TBXAS1: variants seen among roughly 807,000 people sequenced by gnomAD.
The protein encoded by TBXAS1 is thromboxane A synthase 1, also known as thromboxane-A synthase.
TBXAS1 carries 48 observed loss-of-function variants against 60.7 expected under a neutral mutation model. The observed-to-expected ratio is 0.79, with a 90% CI of 0.63 to 1.01. The LOEUF is 1.01. TBXAS1 is among the 50% of genes least tolerant of loss of function. The pLI, the probability that TBXAS1 is intolerant of heterozygous loss-of-function variation, is 0.00. For synonymous variants in TBXAS1, 287 were observed against 269.7 expected (o/e 1.06, Z -0.63); for missense variants, 685 against 686.3 (o/e 1.00, Z 0.02).
At chr7:139,965,473 C>T (rs965532688) in intron 9 of TBXAS1, among the ~76,000 whole-genome samples, 1 of 152,110 alleles carries the variant, frequency 6.6e-6, no homozygotes, top group Non-Finnish European at 1.5e-5. Context: ...CTCGCTCTGT[C>T]ATCCAGGCTG....
At chr7:139,868,024 G>A (rs1801551512) in intron 1 of TBXAS1, among the ~76,000 whole-genome samples, 2 of 152,034 alleles carry the variant, frequency 1.3e-5, no homozygotes, top group Admixed American at 6.6e-5. Context: ...TGACCTCGTT[G>A]GTTGTGAAAA....
intron 4 of TBXAS1, among the ~76,000 whole-genome samples, chr7:139,789,970 C>T (rs190018358): frequency 3.3e-5 from 5 of 152,136 alleles, no homozygotes; most frequent in Admixed American, 6.5e-5. Flanking sequence ...GGTCTGCACA[C>T]GGAGTCCTAG....
At chr7:139,925,004 C>T (rs1192572873) in intron 4 of TBXAS1, among the ~76,000 whole-genome samples, 1 of 152,074 alleles carries the variant, frequency 6.6e-6, no homozygotes, top group African/African-American at 2.4e-5. Flanking sequence ...TCTTCTATTC[C>T]ATTGGTCTAT....
At chr7:139,906,430 G>T (rs1805086802) in intron 3 of TBXAS1, among the ~76,000 whole-genome samples, 1 of 152,080 alleles carries the variant, frequency 6.6e-6, no homozygotes, top group Admixed American at 6.6e-5. Flanking sequence ...AAAATTATCA[G>T]TTGAGCATAT....
At chr7:139,982,260 G>T (rs981084576) in intron 9 of TBXAS1, among the ~76,000 whole-genome samples, 1 of 152,052 alleles carries the variant, frequency 6.6e-6, no homozygotes, top group African/African-American at 2.4e-5. Flanking sequence ...GATAAATCAG[G>T]CAACTCTGTA....
At position 139,799,564 on chromosome 7, in the gene TBXAS1, C is replaced by T. The variant is rs562310801; in HGVS notation, c.-80+12138C>T. On this transcript the variant is annotated intron_variant, in intron 4 of 16. Transcript: ENST00000336425. ...AGAGATGGGTTTTTGTCATGTTGCT[C>T]AGGCTAGTCTTGAACTTCTGAGCTC... Among the ~76,000 whole-genome samples, 16 of 152,228 alleles carry T rather than the reference C, an allele frequency of 1.1e-4. No homozygotes were observed. The South Asian group carries it at 3.3e-3, about 32-fold the overall frequency.
At chr7:139,944,747 G>C (rs1185392158) in intron 5 of TBXAS1, among the ~76,000 whole-genome samples, 1 of 152,228 alleles carries the variant, frequency 6.6e-6, no homozygotes, top group Non-Finnish European at 1.5e-5. Context: ...AGTCACCCAA[G>C]CTACACACCA....
chr7:139,781,900 A>G (rs1353277147), intron 2 of TBXAS1, among the ~76,000 whole-genome samples: 1 of 151,178 alleles, frequency 6.6e-6, no homozygotes. Context: ...CAAGAGTTGC[A>G]TTAGTGACTT....
chr7:139,875,842 G>T (rs1160239582), intron 3 of TBXAS1: 2 of 636,684 alleles, frequency 3.1e-6, no homozygotes, highest in African/African-American at 1.8e-5. Flanking sequence ...CCCACGGGGG[G>T]ACTCTGCTGG....
intron 3 of TBXAS1, among the ~76,000 whole-genome samples, chr7:139,894,743 C>A (rs1020801140): frequency 1.3e-5 from 2 of 152,178 alleles, no homozygotes; most frequent in Non-Finnish European, 2.9e-5. Context: ...TCCAATGGCA[C>A]AAAGTCAGAG....
chr7:139,992,373 C>G (rs1335126654), intron 9 of TBXAS1, among the ~76,000 whole-genome samples: 1 of 152,242 alleles, frequency 6.6e-6, no homozygotes, highest in Non-Finnish European at 1.5e-5. Context: ...GAACTTCATT[C>G]TCATGTATCC....
chr7:139,910,317 A>C (rs545157557), intron 3 of TBXAS1, among the ~76,000 whole-genome samples: 1 of 152,224 alleles, frequency 6.6e-6, no homozygotes, highest in African/African-American at 2.4e-5. Flanking sequence ...TGAGCCTTTC[A>C]TCCATATTTT....
intron 2 of TBXAS1, among the ~76,000 whole-genome samples, chr7:139,874,954 G>T (rs1415267657): frequency 1.3e-5 from 2 of 152,188 alleles, no homozygotes; most frequent in Non-Finnish European, 2.9e-5. Context: ...AATTAGCTGG[G>T]TGTGGTGGCA....
chr7:139,898,310 G>T (rs755598801), intron 3 of TBXAS1, among the ~76,000 whole-genome samples: 1 of 151,978 alleles, frequency 6.6e-6, no homozygotes. Context: ...AAACTGTCAC[G>T]GAGACAAGAA....
At chr7:139,864,047 T>C (rs1369154650) in intron 1 of TBXAS1, among the ~76,000 whole-genome samples, 1 of 152,192 alleles carries the variant, frequency 6.6e-6, no homozygotes, top group Non-Finnish European at 1.5e-5. Context: ...TTCTGCTTCC[T>C]TTTTGTACTA....
intron 1 of TBXAS1, among the ~76,000 whole-genome samples, chr7:139,858,194 G>T (rs1283622344): frequency 6.6e-6 from 1 of 152,178 alleles, no homozygotes; most frequent in Non-Finnish European, 1.5e-5. Flanking sequence ...TCTGTTCCAA[G>T]GCAGCAGCCT....
At chr7:139,858,762 T>C (rs1248364046) in intron 1 of TBXAS1, among the ~76,000 whole-genome samples, 5 of 152,246 alleles carry the variant, frequency 3.3e-5, no homozygotes, top group Non-Finnish European at 7.3e-5. Flanking sequence ...TCACGTCTTC[T>C]TGGCAGTGTC....
chr7:139,845,679 T>C (rs2116608626), intron 1 of TBXAS1, among the ~76,000 whole-genome samples: 1 of 152,274 alleles, frequency 6.6e-6, no homozygotes, highest in South Asian at 2.1e-4. Context: ...AGATGATCTA[T>C]AGGATTTTGT....
At chr7:139,849,372 C>A (rs1376291498) in intron 1 of TBXAS1, among the ~76,000 whole-genome samples, 3 of 145,158 alleles carry the variant, frequency 2.1e-5, no homozygotes, top group Non-Finnish European at 3.0e-5. Context: ...CCTGTTCCCC[C>A]AAAAAAAACA....
Sources: gnomAD v4.1 joint callset for allele counts (sites outside exome capture counted in the v4.1 genomes callset) on GRCh38, gnomAD v4.1.1 for gene constraint, MANE v1.5 for transcripts, NCBI Gene and HGNC (gene_info 2026-07-23, HGNC 2026-07-21) for gene names.